The following SMAP2 variants were observed in gnomAD, a reference collection of about 807,000 sequenced individuals.
SMAP2 encodes the protein small ArfGAP2.
A neutral mutation model predicts 56.4 loss-of-function variants in SMAP2; 25 were observed. The observed-to-expected ratio is 0.44, with a 90% confidence interval of 0.32 to 0.62. The LOEUF (loss-of-function observed/expected upper bound fraction) is 0.62. Among genes scored for constraint, SMAP2 ranks in the 20% least tolerant of loss-of-function variants. The pLI, the probability that SMAP2 is intolerant of heterozygous loss-of-function variation, is 0.04. For synonymous variants in SMAP2, 157 were observed against 181.7 expected, an observed-to-expected ratio of 0.86 and a Z score of 1.09; for missense variants, 388 against 545.6, an observed-to-expected ratio of 0.71 and a Z score of 2.88.
rs567456098 is a variant in SMAP2 at position 40,390,024 on chromosome 1, A to G, written c.103+15801A>G. On this transcript the variant is annotated intron_variant, in intron 1 of 9. Coordinates refer to ENST00000372718, the MANE Select transcript of SMAP2 (RefSeq NM_022733.3). ...TATCTTTGCCCCACCCCCTTATGCC[A>G]TATATTTTGACCTCATTGTGTTCTA... 3.0e-4 allele frequency among the ~76,000 whole-genome samples: 45 copies of G among 148,846 alleles called. 1 individual carries two copies. The highest frequency in any genetic ancestry group is 1.1e-3 in the African/African-American group (44 of 40,390).
intron 9 of SMAP2, among the ~76,000 whole-genome samples, chr1:40,419,241 C>T (rs992987196): frequency 1.3e-5 from 2 of 150,616 alleles, no homozygotes; most frequent in African/African-American, 4.9e-5. Context: ...AGAACAAACA[C>T]GTGAAATGTT....
chr1:40,413,536 G>C (rs1229438971), intron 5 of SMAP2, among the ~76,000 whole-genome samples: 1 of 152,170 alleles, frequency 6.6e-6, no homozygotes, highest in Non-Finnish European at 1.5e-5. Flanking sequence ...TTCTTGCTTT[G>C]TCATGTTGAA....
At chr1:40,407,745 A>G (rs1644898885) in intron 2 of SMAP2, among the ~76,000 whole-genome samples, 1 of 152,194 alleles carries the variant, frequency 6.6e-6, no homozygotes, top group Non-Finnish European at 1.5e-5. Flanking sequence ...AATTAACCTT[A>G]AAAGTATATT....
chr1:40,377,337 G>A (rs2124212624), intron 1 of SMAP2, among the ~76,000 whole-genome samples: 1 of 152,264 alleles, frequency 6.6e-6, no homozygotes, highest in East Asian at 1.9e-4. Context: ...TAGAGAACAA[G>A]CTTGTGTTCT....
chr1:40,416,855 G>A lies in SMAP2; in HGVS notation c.923G>A (p.Ser308Asn). The A allele has an allele frequency of 1.9e-6, 3 of 1,614,158 alleles. No homozygotes were observed. The highest frequency in any genetic ancestry group is 2.5e-6 in the Non-Finnish European group (3 of 1,180,018). Residue 308 changes from serine (S) to asparagine (N), a missense_variant, in exon 9 of 10, where the codon AGC becomes AAC. By Grantham distance (46) the Ser-to-Asn change is conservative. Transcript: ENST00000372718. ...PSFPGVTPPN[S>N]IMGSMMPPPV... ...TTCCCCGGGGTTACACCTCCTAACAGCATAATGGGGAGCATGATGCCTCCA... is the reference window on the plus strand; with the variant it reads ...TTCCCCGGGGTTACACCTCCTAACAACATAATGGGGAGCATGATGCCTCCA...
intron 1 of SMAP2, among the ~76,000 whole-genome samples, chr1:40,353,526 G>A (rs193058137): frequency 2.5e-3 from 379 of 152,068 alleles, no homozygotes; most frequent in African/African-American, 8.7e-3. Context: ...TTGCCACCAT[G>A]CCCGGCTAAT....
chr1:40,355,843 C>CA (rs1057393931), intron 1 of SMAP2, among the ~76,000 whole-genome samples: 2 of 148,124 alleles, frequency 1.4e-5, no homozygotes, highest in African/African-American at 5.2e-5. Context: ...CTCCTGGGCT[C>CA]AAACGACCCA....
At position 40,406,749 on chromosome 1, in the gene SMAP2, C is replaced by T; in HGVS notation, c.117C>T (p.Ala39=). Residue 39 remains alanine, a synonymous_variant, in exon 2 of 10, where the codon GCC becomes GCT. Transcript: ENST00000372718. ...ADCQSKGPRW[A]SWNIGVFICI... ...TGACTTTCACAGGGCCGCGATGGGC[C>T]TCTTGGAACATTGGTGTGTTCATCT... The T allele has an allele frequency of 6.2e-7, 1 of 1,613,332 alleles. No homozygotes were observed. Among genetic ancestry groups the T allele is most frequent in the Non-Finnish European group, 8.5e-7 (1 of 1,179,448 alleles).
intron 1 of SMAP2, among the ~76,000 whole-genome samples, chr1:40,359,255 A>C (rs953028145): frequency 6.6e-6 from 1 of 152,180 alleles, no homozygotes; most frequent in South Asian, 2.1e-4. Flanking sequence ...AGTGCGTGCC[A>C]CCATGCCCAG....
At chr1:40,417,228 C>CTTTTT (rs34036744) in intron 9 of SMAP2, 132 bp downstream of exon 9, 3 of 427,974 alleles carry the variant, frequency 7.0e-6, no homozygotes, top group East Asian at 4.0e-5. Context: ...GTTAGGTTTG[C>CTTTTT]TTTTTTTTTT....
rs35274026 is a variant in SMAP2, at chr1:40,364,744, C to CAA, written c.55+2321_55+2322dup. The stretch of plus-strand genomic sequence containing the variant: ...GGATGACAAAGTGAGACCCTGTCTC[C>CAA]AAAAAAAAAAAAAATGGCTCAAGGC... On this transcript the variant is annotated intron_variant, in intron 2 of 6. Transcript: ENST00000435168. 3.1e-3 allele frequency: 434 copies of CAA among 138,484 alleles called. 3 individuals carry two copies. Among genetic ancestry groups the CAA allele is most frequent in the African/African-American group, 7.4e-3 (284 of 38,288 alleles). The allele number at this position is 138,484 out of a possible 1,614,324, so 8.6% of individuals were successfully genotyped here. A position where few individuals can be genotyped will look rare whatever the true frequency, so the allele number is the denominator to read the frequency against.
At chr1:40,383,053 T>TG (rs1399827124) in intron 1 of SMAP2, among the ~76,000 whole-genome samples, 1 of 152,194 alleles carries the variant, frequency 6.6e-6, no homozygotes, top group Non-Finnish European at 1.5e-5. Flanking sequence ...AAGCCACTGT[T>TG]GGTCTTATAA....
chr1:40,372,067 C>T (rs1235908460), upstream of SMAP2, among the ~76,000 whole-genome samples: 2 of 152,180 alleles, frequency 1.3e-5, no homozygotes, highest in Non-Finnish European at 2.9e-5. Flanking sequence ...CTGCCATAGG[C>T]AATGGAGAGC....
Position 40,374,727 on chromosome 1 carries a change from T to G in SMAP2, c.103+504T>G. The G allele has an allele frequency of 6.4e-7, 1 of 1,550,558 alleles. No individual in the cohort carries two copies. The highest frequency in any genetic ancestry group is 8.7e-7 in the Non-Finnish European group (1 of 1,146,994). ...TTTAAAGGTGGTGATTTTTGCTTCC[T>G]GCTATTTGGTTAGCAACTCCTGTCA... On this transcript the variant is annotated intron_variant, in intron 1 of 9. Coordinates refer to ENST00000372718, the MANE Select transcript of SMAP2 (RefSeq NM_022733.3). This position sits in a 1 kb window ranked among gnomAD's most constrained non-coding sequence, Gnocchi z 5.9.
At chr1:40,366,178 G>C (rs1644480464) in intron 2 of SMAP2, among the ~76,000 whole-genome samples, 1 of 151,966 alleles carries the variant, frequency 6.6e-6, no homozygotes, top group Admixed American at 6.6e-5. Flanking sequence ...AATGAGCAAA[G>C]CCTCCAAGAA....
chr1:40,348,512 C>T (rs1187409438), intron 1 of SMAP2, among the ~76,000 whole-genome samples: 5 of 151,936 alleles, frequency 3.3e-5, no homozygotes, highest in African/African-American at 1.2e-4. Flanking sequence ...CTGGCCAACA[C>T]GGTGAAGCCC....
Position 40,374,332 on chromosome 1 carries a change from A to G in SMAP2, c.103+109A>G, listed in dbSNP as rs1569836400. The G allele has an allele frequency of 8.8e-6, 8 of 904,246 alleles. No individual in the cohort carries two copies. In the East Asian group the frequency reaches 1.6e-4, roughly 18 times the overall value. The allele number at this position is 904,246 out of a possible 1,614,324, so 56.0% of individuals were successfully genotyped here. On this transcript the variant is annotated intron_variant, in intron 1 of 9. Transcript: ENST00000372718. This position sits in a 1 kb window ranked among gnomAD's most constrained non-coding sequence, Gnocchi z 5.9. ...CTTAGGCCGCCCAACTCGGCTTATA[A>G]GTGGTAACGCGTGCTGCGCTTGCAG...
At chr1:40,405,824 C>T (rs1287825882) in intron 1 of SMAP2, among the ~76,000 whole-genome samples, 1 of 152,064 alleles carries the variant, frequency 6.6e-6, no homozygotes, top group Admixed American at 6.6e-5. Flanking sequence ...GGATGAGTAA[C>T]ACTGGCAGGG....
intron 1 of SMAP2, among the ~76,000 whole-genome samples, chr1:40,359,390 A>G (rs1012773065): frequency 1.3e-5 from 2 of 152,226 alleles, no homozygotes; most frequent in African/African-American, 4.8e-5. Context: ...GGCATGAGCC[A>G]CCGCACCCCT....
Sources: allele counts gnomAD v4.1 joint callset (sites outside exome capture counted in the v4.1 genomes callset), GRCh38; gene constraint gnomAD v4.1.1; non-coding constraint Gnocchi (gnomAD v3.1); transcripts MANE v1.5; gene names NCBI Gene and HGNC (gene_info 2026-07-23, HGNC 2026-07-21).